The following GNG7 variants were observed in gnomAD, a reference collection of about 807,000 sequenced individuals.
GNG7 encodes guanine nucleotide-binding protein G(I)/G(S)/G(O) subunit gamma-7.
In GNG7, 1 loss-of-function variant was observed where a neutral mutation model predicts 4.0. The ratio of observed to expected loss-of-function variants is 0.25; its 90% CI spans 0.09 to 1.18. GNG7 has a LOEUF of 1.18. Among genes scored for constraint, GNG7 ranks in the 50% most tolerant of loss-of-function variants. The pLI, the probability that GNG7 is intolerant of heterozygous loss-of-function variation, is 0.50. For synonymous variants in GNG7, 34 were observed against 36.9 expected, an observed-to-expected ratio of 0.92 and a Z score of 0.29; for missense variants, 86 against 91.9, an observed-to-expected ratio of 0.94 and a Z score of 0.26.
intron 2 of GNG7, among the ~76,000 whole-genome samples, chr19:2,645,586 A>T (rs762432972): frequency 6.6e-6 from 1 of 152,018 alleles, no homozygotes; most frequent in Non-Finnish European, 1.5e-5. Context: ...TTTTTAAGTA[A>T]GTTCACCAGG....
rs568155974 is a variant in GNG7, at chr19:2,606,452, C to T, written c.-78+39772G>A. Among the ~76,000 whole-genome samples, 187 of 151,448 alleles carry T rather than the reference C, an allele frequency of 1.2e-3. 1 individual carries two copies. Among genetic ancestry groups the T allele is most frequent in the Admixed American group, 3.6e-3 (55 of 15,172 alleles). On this transcript the variant is annotated intron_variant, in intron 2 of 4. Transcript: ENST00000382159. ...GGCAGATCACCTGAGGTCAGGAGTTCGAGACCAGCCTGACCAACATGGAGA... is the reference window on the plus strand; with the variant it reads ...GGCAGATCACCTGAGGTCAGGAGTTTGAGACCAGCCTGACCAACATGGAGA...
At chr19:2,558,241 TTTG>T (rs1979627206) in intron 2 of GNG7, among the ~76,000 whole-genome samples, 2 of 49,796 alleles carry the variant, frequency 4.0e-5, no homozygotes, top group Admixed American at 2.2e-4. Context: ...TTTTTTTGTT[TTTG>T]TTTTTGTTTT....
At chr19:2,635,586 A>ATTT (rs35015157) in intron 2 of GNG7, among the ~76,000 whole-genome samples, 1,676 of 145,458 alleles carry the variant, frequency 0.012, 28 homozygotes, top group African/African-American at 0.032. Flanking sequence ...ACTTGGGGTG[A>ATTT]TTTTTTTTTT....
At chr19:2,590,772 A>C (rs1294450612) in intron 2 of GNG7, among the ~76,000 whole-genome samples, 3 of 118,578 alleles carry the variant, frequency 2.5e-5, no homozygotes, top group African/African-American at 9.9e-5. Flanking sequence ...CAACCAACCA[A>C]CCATCCATCC....
chr19:2,613,328 G>T (rs1189041958), intron 2 of GNG7, among the ~76,000 whole-genome samples: 1 of 152,164 alleles, frequency 6.6e-6, no homozygotes, highest in African/African-American at 2.4e-5. Flanking sequence ...AAAGTCCATT[G>T]TCTCAAGCCA....
intron 2 of GNG7, among the ~76,000 whole-genome samples, chr19:2,575,376 G>A (rs1006625811): frequency 1.3e-5 from 2 of 152,174 alleles, no homozygotes; most frequent in African/African-American, 4.8e-5. Context: ...TGCCCTGCTC[G>A]AGTCTTTTTG....
intron 2 of GNG7, chr19:2,642,287 G>A (rs1223991105): frequency 1.6e-5 from 3 of 189,868 alleles, no homozygotes; most frequent in African/African-American, 7.1e-5. Flanking sequence ...AATGTTTCTT[G>A]CTGAGAATTG....
intron 1 of GNG7, among the ~76,000 whole-genome samples, chr19:2,670,442 A>C (rs773288004): frequency 6.6e-6 from 1 of 152,226 alleles, no homozygotes; most frequent in Non-Finnish European, 1.5e-5. Context: ...GCAGGCACAC[A>C]GGTCACCCTG....
In GNG7 at chr19:2,557,387, G is replaced by A. The variant is rs111240086; in HGVS notation, c.-77-2199C>T. Among the ~76,000 whole-genome samples the A allele has an allele frequency of 6.3e-4, 96 of 152,220 alleles. No individual in the cohort carries two copies. Among genetic ancestry groups the A allele is most frequent in the South Asian group, 2.1e-3 (10 of 4,822 alleles). On this transcript the variant is annotated intron_variant, in intron 2 of 4. Coordinates refer to ENST00000382159, the MANE Select transcript of GNG7 (RefSeq NM_052847.3). The surrounding 1 kb of genome is among the most constrained non-coding windows in gnomAD (Gnocchi z 5.1). Reference sequence around the variant, plus strand: ...CACACACGTGCACGCACACATGCACGCAGGAGCGAGCGCCTCCACCCAGCC... The same window carrying A: ...CACACACGTGCACGCACACATGCACACAGGAGCGAGCGCCTCCACCCAGCC...
intron 2 of GNG7, among the ~76,000 whole-genome samples, chr19:2,615,579 CA>C (rs1981701880): frequency 6.7e-6 from 1 of 150,052 alleles, no homozygotes; most frequent in Admixed American, 6.7e-5. Flanking sequence ...CCTCCTGCCT[CA>C]GCCTCCAGAG....
At chr19:2,577,486 C>A (rs1980376328) in intron 2 of GNG7, among the ~76,000 whole-genome samples, 1 of 152,130 alleles carries the variant, frequency 6.6e-6, no homozygotes, top group African/African-American at 2.4e-5. Context: ...CAATGCACCG[C>A]TCACTTCTTC....
At chr19:2,533,463 C>G (rs974903390) in intron 3 of GNG7, among the ~76,000 whole-genome samples, 6 of 151,998 alleles carry the variant, frequency 3.9e-5, no homozygotes, top group Admixed American at 2.6e-4. Context: ...GCGATGTTCT[C>G]TATGTTGGTT....
intron 1 of GNG7, among the ~76,000 whole-genome samples, chr19:2,669,904 G>A (rs1345704065): frequency 6.6e-6 from 1 of 151,856 alleles, no homozygotes; most frequent in Non-Finnish European, 1.5e-5. Context: ...CAGCTACTCG[G>A]GAGGCTGAGG....
At chr19:2,574,432 CTG>C (rs1329817395) in intron 2 of GNG7, among the ~76,000 whole-genome samples, 2 of 152,222 alleles carry the variant, frequency 1.3e-5, no homozygotes, top group Non-Finnish European at 2.9e-5. Flanking sequence ...CTTCCTGTCT[CTG>C]TGAATCTGAC....
intron 2 of GNG7, among the ~76,000 whole-genome samples, chr19:2,594,440 AAGGAAGG>A (rs749329532): frequency 0.023 from 3,184 of 136,738 alleles, 126 homozygotes; most frequent in African/African-American, 0.091. Flanking sequence ...GGAAGGAAGG[AAGGAAGG>A]AGGAAGAAAG....
intron 2 of GNG7, among the ~76,000 whole-genome samples, chr19:2,578,309 G>T (rs1427210777): frequency 2.0e-5 from 3 of 152,132 alleles, no homozygotes; most frequent in Non-Finnish European, 4.4e-5. Context: ...CCCAATACGG[G>T]ACCCAGAGGA....
rs985773051 is a variant in GNG7, at chr19:2,653,103, CAAAAT to C, written c.-134-6828_-134-6824del. Among the ~76,000 whole-genome samples the C allele has an allele frequency of 6.6e-6, 1 of 151,948 alleles. No homozygotes were observed. Among genetic ancestry groups the C allele is most frequent in the Admixed American group, 6.6e-5 (1 of 15,216 alleles). On this transcript the variant is annotated intron_variant, in intron 1 of 4. Coordinates refer to ENST00000382159, the MANE Select transcript of GNG7 (RefSeq NM_052847.3). This position sits in a 1 kb window ranked among gnomAD's most constrained non-coding sequence, Gnocchi z 4.8. ...AAGACTCTGACTCAAATAAATAAAT[CAAAAT>C]AAAATAAAATAAATAATAGAAACTG...
chr19:2,529,996 T>C lies in GNG7; in HGVS notation c.-37-9271A>G, dbSNP rs538853727. 1.1e-4 allele frequency among the ~76,000 whole-genome samples: 17 copies of C among 152,326 alleles called. No homozygotes were observed. In the East Asian group the frequency reaches 3.3e-3, roughly 29 times the overall value. On this transcript the variant is annotated intron_variant, in intron 3 of 4. Coordinates refer to ENST00000382159, the MANE Select transcript of GNG7 (RefSeq NM_052847.3). ...TCCAAGATCAAGAGGATCTAGAATATCCATGACCTCCTTCTAAACGACTTG... is the reference window on the plus strand; with the variant it reads ...TCCAAGATCAAGAGGATCTAGAATACCCATGACCTCCTTCTAAACGACTTG...
chr19:2,662,415 A>G (rs1983205496), intron 1 of GNG7, among the ~76,000 whole-genome samples: 1 of 152,130 alleles, frequency 6.6e-6, no homozygotes, highest in East Asian at 1.9e-4. Flanking sequence ...CCACAGGTTG[A>G]GGGCTAAATC....
Sources: allele counts gnomAD v4.1 joint callset (sites outside exome capture counted in the v4.1 genomes callset), GRCh38; gene constraint gnomAD v4.1.1; non-coding constraint Gnocchi (gnomAD v3.1); transcripts MANE v1.5; gene names NCBI Gene and HGNC (gene_info 2026-07-23, HGNC 2026-07-21).